The following MARVELD2 variants were observed in gnomAD, a reference collection of about 807,000 sequenced individuals.
MARVELD2 encodes the protein MARVEL domain containing 2.
In MARVELD2, 49 loss-of-function variants were observed where a neutral mutation model predicts 57.6. The ratio of observed to expected loss-of-function variants is 0.85; its 90% CI spans 0.68 to 1.08. The LOEUF (loss-of-function observed/expected upper bound fraction) is 1.08, where lower values mean the gene tolerates loss of function less well. Among genes scored for constraint, MARVELD2 ranks in the 50% least tolerant of loss-of-function variants. The probability of loss-of-function intolerance (pLI) is 0.00; values close to 1 mark genes in which losing one functional copy is unlikely to be tolerated. For synonymous variants in MARVELD2, 238 were observed against 258.8 expected, an observed-to-expected ratio of 0.92 and a Z score of 0.77; for missense variants, 606 against 701.1, an observed-to-expected ratio of 0.86 and a Z score of 1.53.
At chr5:69,439,493 C>T (rs1173060121) in intron 5 of MARVELD2, among the ~76,000 whole-genome samples, 2 of 151,728 alleles carry the variant, frequency 1.3e-5, no homozygotes, top group African/African-American at 2.4e-5. Context: ...GTGGCTCATG[C>T]GTGTAATCCC....
Position 69,443,074 on chromosome 5 carries a change from C to G in MARVELD2, c.*1420C>G, listed in dbSNP as rs1580506349. 6.6e-6 allele frequency: 1 copy of G among 152,074 alleles called. No homozygotes were observed. Among genetic ancestry groups the G allele is most frequent in the East Asian group, 1.9e-4 (1 of 5,184 alleles). The allele number at this position is 152,074 out of a possible 1,614,324, so 9.4% of individuals were successfully genotyped here. A position where few individuals can be genotyped will look rare whatever the true frequency, so the allele number is the denominator to read the frequency against. On this transcript the variant is annotated 3_prime_UTR_variant, in exon 7 of 7. Coordinates refer to ENST00000325631, the MANE Select transcript of MARVELD2 (RefSeq NM_001038603.3). Reference sequence around the variant, plus strand: ...TCGATCTCCTGACCTCATGATCCACCCGCCTCAGCCTCCCAAAGTGTTGGG... The same window carrying G: ...TCGATCTCCTGACCTCATGATCCACGCGCCTCAGCCTCCCAAAGTGTTGGG...
intron 3 of MARVELD2, among the ~76,000 whole-genome samples, chr5:69,432,138 G>A (rs1766984107): frequency 6.6e-6 from 1 of 151,954 alleles, no homozygotes; most frequent in South Asian, 2.1e-4. Context: ...AGCCTCCCGA[G>A]GAGCTGGGAT....
rs577159859 is a variant in MARVELD2 at position 69,431,316 on chromosome 5, T to C, written c.1183-1211T>C. ...TTTTAGTAGAGACAGGGTTTCACCA[T>C]GCTGGCCAGGCTGGTCTCGAACACC... On this transcript the variant is annotated intron_variant, in intron 3 of 6. Transcript: ENST00000325631. Among the ~76,000 whole-genome samples the C allele has an allele frequency of 7.2e-5, 11 of 152,094 alleles. No individual in the cohort carries two copies. The East Asian group carries it at 2.1e-3, about 29-fold the overall frequency.
At chr5:69,419,204 G>A in intron 1 of MARVELD2, 167 bp from the exon 2 acceptor site, 1 of 749,528 alleles carries the variant, frequency 1.3e-6, no homozygotes, top group Non-Finnish European at 2.2e-6. Flanking sequence ...GGGATTACAG[G>A]CATGAGCCAC....
At chr5:69,422,046 T>C (rs1469302783) in intron 2 of MARVELD2, among the ~76,000 whole-genome samples, 3 of 151,996 alleles carry the variant, frequency 2.0e-5, no homozygotes, top group Non-Finnish European at 4.4e-5. Flanking sequence ...CCCCAATCAA[T>C]ACCCTTGTGA....
chr5:69,438,337 A>G (rs1196071072), intron 5 of MARVELD2, among the ~76,000 whole-genome samples: 1 of 152,214 alleles, frequency 6.6e-6, no homozygotes, highest in Non-Finnish European at 1.5e-5. Flanking sequence ...TAGCAAGTTT[A>G]TTCCTTGTCC....
intron 5 of MARVELD2, among the ~76,000 whole-genome samples, chr5:69,438,190 T>C (rs1172901380): frequency 1.3e-5 from 2 of 152,152 alleles, no homozygotes. Flanking sequence ...ACATGACTTT[T>C]CTGAGCCCAT....
At chr5:69,433,553 G>A (rs1221081750) in intron 5 of MARVELD2, 3 of 175,522 alleles carry the variant, frequency 1.7e-5, no homozygotes, top group South Asian at 1.3e-4. Flanking sequence ...TCCACCTCCC[G>A]AGTTCATGCC....
At chr5:69,431,384 A>T (rs1051418798) in intron 3 of MARVELD2, among the ~76,000 whole-genome samples, 1 of 152,126 alleles carries the variant, frequency 6.6e-6, no homozygotes. Context: ...AGGTGCTGAG[A>T]TTACAGGCAT....
chr5:69,432,712 T>G, intron 4 of MARVELD2, 37 bp downstream of exon 4: 1 of 1,613,870 alleles, frequency 6.2e-7, no homozygotes, highest in Non-Finnish European at 8.5e-7. Context: ...AAGGTAGAAG[T>G]TGAGGGGCCC....
intron 5 of MARVELD2, among the ~76,000 whole-genome samples, chr5:69,439,062 CAA>C (rs11315832): frequency 5.0e-3 from 450 of 89,236 alleles, no homozygotes; most frequent in Admixed American, 6.7e-3. Context: ...GACCCTGTCT[CAA>C]AAAAAAAAAA....
intron 1 of MARVELD2, among the ~76,000 whole-genome samples, chr5:69,418,071 A>G (rs764271615): frequency 5.9e-5 from 9 of 152,102 alleles, no homozygotes; most frequent in Non-Finnish European, 1.3e-4. Flanking sequence ...TTGTGCTCCT[A>G]TGCTCTGGCC....
intron 5 of MARVELD2, 152 bp downstream of exon 5, chr5:69,433,245 C>T (rs764191071): frequency 3.1e-5 from 24 of 769,742 alleles, no homozygotes; most frequent in Non-Finnish European, 4.8e-5. Context: ...TTGCTGCAAC[C>T]TCCACCTCCT....
chr5:69,433,912 C>CT (rs531733396), intron 5 of MARVELD2, among the ~76,000 whole-genome samples: 159 of 144,432 alleles, frequency 1.1e-3, no homozygotes, highest in South Asian at 2.2e-3. Flanking sequence ...AGTATTTCTT[C>CT]TTTTTTTTTT....
chr5:69,416,221 T>C (rs1397854487), intron 1 of MARVELD2, among the ~76,000 whole-genome samples: 1 of 152,230 alleles, frequency 6.6e-6, no homozygotes, highest in African/African-American at 2.4e-5. Flanking sequence ...TTCTTAGGAA[T>C]GTGTTTCAAA....
chr5:69,433,125 T>A, intron 5 of MARVELD2, 32 bp downstream of exon 5: 1 of 1,495,144 alleles, frequency 6.7e-7, no homozygotes, highest in Non-Finnish European at 9.3e-7. Flanking sequence ...GGAGGAGCAC[T>A]GAAATCTAGA....
chr5:69,436,499 TCA>T (rs1464214144), intron 5 of MARVELD2, among the ~76,000 whole-genome samples: 2 of 150,116 alleles, frequency 1.3e-5, no homozygotes, highest in Non-Finnish European at 1.5e-5. Flanking sequence ...TTTGTTTCAA[TCA>T]CAGACTCTTT....
chr5:69,440,365 TTTG>T (rs1242006060), intron 5 of MARVELD2, 82 bp from the exon 6 acceptor site: 1 of 698,118 alleles, frequency 1.4e-6, no homozygotes, highest in African/African-American at 1.8e-5. Context: ...AAAATTATTT[TTTG>T]TTCTAATTCT....
chr5:69,439,801 G>A (rs1487195871), intron 5 of MARVELD2, among the ~76,000 whole-genome samples: 2 of 151,796 alleles, frequency 1.3e-5, no homozygotes, highest in African/African-American at 4.8e-5. Context: ...TATTTATTAG[G>A]TTTGCATTGT....
Sources: allele counts gnomAD v4.1 joint callset (sites outside exome capture counted in the v4.1 genomes callset), GRCh38; gene constraint gnomAD v4.1.1; transcripts MANE v1.5; gene names NCBI Gene and HGNC (gene_info 2026-07-23, HGNC 2026-07-21).